Variants in SUPT3H observed in about 807,000 individuals in gnomAD.
SUPT3H encodes the protein SPT3 homolog, SAGA and STAGA complex component, also known as transcription initiation protein SPT3 homolog.
In SUPT3H, 44 loss-of-function variants were observed where a neutral mutation model predicts 44.3. The observed-to-expected ratio is 0.99, with a 90% CI of 0.78 to 1.28. The LOEUF is 1.28. SUPT3H is among the 50% of genes most tolerant of loss of function. The pLI is 0.00. For missense variants in SUPT3H, 380 were observed against 387.1 expected (o/e 0.98, Z 0.15); for synonymous variants, 124 against 125.6 (o/e 0.99, Z 0.09).
intron 2 of SUPT3H, among the ~76,000 whole-genome samples, chr6:45,325,229 AAAG>A (rs1038364035): frequency 6.6e-6 from 1 of 151,884 alleles, no homozygotes; most frequent in Non-Finnish European, 1.5e-5. Context: ...GCAGCAAATA[AAAG>A]AATAGAGTTA....
chr6:45,048,833 G>A (rs1034973949), intron 3 of SUPT3H, among the ~76,000 whole-genome samples: 2 of 151,998 alleles, frequency 1.3e-5, no homozygotes, highest in Admixed American at 6.6e-5. Flanking sequence ...AATCTAAAAC[G>A]TTTGACCTCA....
At chr6:45,071,230 AT>A (rs1794332345) in intron 3 of SUPT3H, among the ~76,000 whole-genome samples, 1 of 151,536 alleles carries the variant, frequency 6.6e-6, no homozygotes, top group South Asian at 2.1e-4. Context: ...GGAAACCTAA[AT>A]TTTTATTAAT....
At chr6:45,230,317 G>C (rs561674841) in intron 2 of SUPT3H, among the ~76,000 whole-genome samples, 1 of 152,176 alleles carries the variant, frequency 6.6e-6, no homozygotes, top group South Asian at 2.1e-4. Context: ...CTAATGGTGA[G>C]AGTGGGATGT....
At chr6:45,375,758 T>C (rs1180776001) in intron 1 of SUPT3H, among the ~76,000 whole-genome samples, 1 of 152,120 alleles carries the variant, frequency 6.6e-6, no homozygotes, top group Non-Finnish European at 1.5e-5. Context: ...GTGCTACCGC[T>C]ACCTATAAAG....
At chr6:45,360,420 G>A (rs16873364) in intron 2 of SUPT3H, among the ~76,000 whole-genome samples, 2 of 151,848 alleles carry the variant, frequency 1.3e-5, no homozygotes, top group South Asian at 4.2e-4. Flanking sequence ...TTACCTTCAG[G>A]GTTTTTCTTT....
At chr6:45,096,389 A>G (rs1191732012) in intron 3 of SUPT3H, among the ~76,000 whole-genome samples, 1 of 152,146 alleles carries the variant, frequency 6.6e-6, no homozygotes, top group Non-Finnish European at 1.5e-5. Context: ...TAGATGATGT[A>G]TTTTCATTAT....
intron 6 of SUPT3H, among the ~76,000 whole-genome samples, chr6:44,990,432 T>C (rs1780456472): frequency 6.6e-6 from 1 of 152,008 alleles, no homozygotes; most frequent in South Asian, 2.1e-4. Flanking sequence ...GGCAGTAGGG[T>C]ACTGTTTTGA....
chr6:44,848,937 C>A (rs16872725), intron 10 of SUPT3H, among the ~76,000 whole-genome samples: 1 of 152,168 alleles, frequency 6.6e-6, no homozygotes, highest in Non-Finnish European at 1.5e-5. Context: ...GAATAAGAGA[C>A]GACTTTCTTT....
intron 2 of SUPT3H, among the ~76,000 whole-genome samples, chr6:45,227,192 A>C (rs1767104237): frequency 1.3e-5 from 2 of 151,838 alleles, no homozygotes; most frequent in African/African-American, 4.8e-5. Flanking sequence ...ATATGAAATA[A>C]TACTAAAATA....
chr6:45,041,481 A>C (rs1321551684), intron 3 of SUPT3H, among the ~76,000 whole-genome samples: 1 of 152,200 alleles, frequency 6.6e-6, no homozygotes, highest in East Asian at 1.9e-4. Context: ...ACAATGGTGA[A>C]AGAGAAATAA....
At chr6:45,356,959 T>C (rs938919376) in intron 2 of SUPT3H, among the ~76,000 whole-genome samples, 1 of 152,220 alleles carries the variant, frequency 6.6e-6, no homozygotes, top group Non-Finnish European at 1.5e-5. Context: ...ATTAATTTCC[T>C]ATCTAAAACT....
intron 3 of SUPT3H, among the ~76,000 whole-genome samples, chr6:45,060,173 C>A (rs1354353271): frequency 2.6e-5 from 4 of 152,076 alleles, no homozygotes. Flanking sequence ...AAGCTGAAGG[C>A]ATCATGCTAC....
intron 2 of SUPT3H, among the ~76,000 whole-genome samples, chr6:45,342,973 A>T (rs1315555832): frequency 1.3e-5 from 2 of 152,170 alleles, no homozygotes; most frequent in East Asian, 3.9e-4. Flanking sequence ...CTAGTACATA[A>T]CCCTGAGCAA....
intron 6 of SUPT3H, among the ~76,000 whole-genome samples, chr6:44,995,181 C>T (rs919871469): frequency 1.3e-5 from 2 of 151,930 alleles, no homozygotes; most frequent in African/African-American, 4.8e-5. Context: ...TAAAAATAAA[C>T]ACCAATATTA....
chr6:45,308,929 T>C (rs569359961), intron 2 of SUPT3H, among the ~76,000 whole-genome samples: 19 of 150,438 alleles, frequency 1.3e-4, no homozygotes, highest in Non-Finnish European at 2.7e-4. Context: ...GGAGAAATGA[T>C]TATGATAGCA....
chr6:45,140,512 T>C (rs1270534859), intron 2 of SUPT3H, among the ~76,000 whole-genome samples: 1 of 152,140 alleles, frequency 6.6e-6, no homozygotes, highest in African/African-American at 2.4e-5. Flanking sequence ...CAACAGCTAA[T>C]TTCACCGTCT....
intron 3 of SUPT3H, among the ~76,000 whole-genome samples, chr6:45,022,754 G>A (rs1458845799): frequency 6.6e-6 from 1 of 151,906 alleles, no homozygotes. Flanking sequence ...AGTGAAGACA[G>A]AAATCTTATT....
chr6:44,899,853 AAT>A (rs1310231108), intron 10 of SUPT3H, among the ~76,000 whole-genome samples: 6 of 152,304 alleles, frequency 3.9e-5, no homozygotes, highest in African/African-American at 1.4e-4. Context: ...TTGATCCATG[AAT>A]TTCATAGACT....
chr6:45,287,420 G>A (rs1402525909), intron 2 of SUPT3H, among the ~76,000 whole-genome samples: 3 of 152,084 alleles, frequency 2.0e-5, no homozygotes, highest in African/African-American at 7.2e-5. Context: ...AAGGCATTTA[G>A]CCTTAAAAAG....
Sources: allele counts gnomAD v4.1 joint callset (sites outside exome capture counted in the v4.1 genomes callset), GRCh38; gene constraint gnomAD v4.1.1; transcripts MANE v1.5; gene names NCBI Gene and HGNC (gene_info 2026-07-23, HGNC 2026-07-21).